Variants in GLIS3 observed in about 807,000 individuals in gnomAD.
The protein encoded by GLIS3 is GLIS family zinc finger 3.
Under a neutral mutation model 78.6 loss-of-function variants are expected in GLIS3, and 53 were observed. The observed-to-expected ratio is 0.67, with a 90% CI of 0.54 to 0.85. The LOEUF (loss-of-function observed/expected upper bound fraction) is 0.85. Ranked by LOEUF, GLIS3 falls within the 40% of genes least tolerant of loss-of-function variation. The probability of loss-of-function intolerance (pLI) is 0.00; values close to 1 mark genes in which losing one functional copy is unlikely to be tolerated. For synonymous variants in GLIS3, 684 were observed against 509.9 expected (o/e 1.34, Z -4.60); for missense variants, 1,703 against 1,231.1 (o/e 1.38, Z -5.74).
At chr9:3,892,685 TTACTC>T (rs1563819775) in intron 7 of GLIS3, among the ~76,000 whole-genome samples, 4 of 152,188 alleles carry the variant, frequency 2.6e-5, no homozygotes, top group Admixed American at 1.3e-4. Context: ...TTTTTTTTCT[TTACTC>T]TTCACAGGAA....
chr9:4,384,537 T>C, the GLIS3 span, among the ~76,000 whole-genome samples: 1 of 150,170 alleles, frequency 6.7e-6, no homozygotes, highest in Non-Finnish European at 1.5e-5. Flanking sequence ...CCTTACTTCT[T>C]TCCTTTATAT....
At chr9:4,274,140 T>G (rs1008780510) in intron 2 of GLIS3, among the ~76,000 whole-genome samples, 3 of 152,254 alleles carry the variant, frequency 2.0e-5, no homozygotes, top group East Asian at 1.9e-4. Flanking sequence ...AAGGTCACCA[T>G]AGTGGTAAAG....
At chr9:4,301,785 A>G (rs1817085431), upstream of GLIS3, among the ~76,000 whole-genome samples, 1 of 152,196 alleles carries the variant, frequency 6.6e-6, no homozygotes, top group Admixed American at 6.5e-5. Context: ...AAAAAAATAT[A>G]GTGCTACACC....
intron 4 of GLIS3, among the ~76,000 whole-genome samples, chr9:4,001,906 A>G (rs1821146054): frequency 6.6e-6 from 1 of 152,186 alleles, no homozygotes; most frequent in Admixed American, 6.6e-5. Context: ...TCCCATATAC[A>G]TCTTATTCTG....
At chr9:4,389,228 T>A in the GLIS3 span, among the ~76,000 whole-genome samples, 2 of 152,182 alleles carry the variant, frequency 1.3e-5, no homozygotes, top group African/African-American at 4.8e-5. Context: ...TGACAAAGGA[T>A]AGAGATGAGA....
chr9:4,176,021 C>G (rs527384532), intron 2 of GLIS3, among the ~76,000 whole-genome samples: 10 of 152,202 alleles, frequency 6.6e-5, no homozygotes, highest in Admixed American at 5.9e-4. Flanking sequence ...GAGCTCCAAC[C>G]CTGCACACAG....
intron 8 of GLIS3, among the ~76,000 whole-genome samples, chr9:3,872,035 C>A (rs182681032): frequency 6.0e-4 from 91 of 152,332 alleles, no homozygotes; most frequent in Non-Finnish European, 1.0e-3. Context: ...TACCCTAAAT[C>A]AGCTCTCTCA....
intron 2 of GLIS3, among the ~76,000 whole-genome samples, chr9:4,149,060 T>C (rs1564119301): frequency 6.6e-6 from 1 of 152,214 alleles, no homozygotes; most frequent in African/African-American, 2.4e-5. Flanking sequence ...AGAGTTTACC[T>C]AGCTATCAAC....
intron 6 of GLIS3, chr9:3,901,117 T>C (rs1823263294): frequency 6.5e-6 from 1 of 152,692 alleles, no homozygotes; most frequent in Admixed American, 6.5e-5. Flanking sequence ...CCGAAAAGAC[T>C]GCCCCAACTG....
intron 6 of GLIS3, 62 bp downstream of exon 6, chr9:3,932,298 G>A (rs532616498): frequency 1.4e-5 from 18 of 1,268,694 alleles, no homozygotes; most frequent in South Asian, 6.0e-5. Flanking sequence ...CAGAAGCTTC[G>A]TGTACTACAA....
At chr9:4,273,781 C>G (rs1826742277) in intron 2 of GLIS3, among the ~76,000 whole-genome samples, 1 of 152,098 alleles carries the variant, frequency 6.6e-6, no homozygotes, top group Non-Finnish European at 1.5e-5. Flanking sequence ...CTCTGATGCT[C>G]ACTCTCCTCC....
chr9:4,298,510 A>T (rs1175279849), intron 1 of GLIS3: 1 of 435,338 alleles, frequency 2.3e-6, no homozygotes, highest in East Asian at 8.1e-5. Context: ...GCTCGGGGCA[A>T]GGTGTGTGTC....
intron 10 of GLIS3, among the ~76,000 whole-genome samples, 173 bp downstream of exon 10, chr9:3,829,137 G>T (rs890056898): frequency 1.3e-5 from 2 of 152,064 alleles, no homozygotes; most frequent in Admixed American, 6.5e-5. Flanking sequence ...AAGAAGAGGG[G>T]CTGAAGGAGG....
At chr9:4,039,955 T>C (rs992051854) in intron 4 of GLIS3, among the ~76,000 whole-genome samples, 1 of 152,198 alleles carries the variant, frequency 6.6e-6, no homozygotes, top group African/African-American at 2.4e-5. Flanking sequence ...ATCACAAATG[T>C]GGAGGCCAAA....
intron 4 of GLIS3, among the ~76,000 whole-genome samples, chr9:3,961,509 A>T (rs1231009030): frequency 3.9e-5 from 6 of 152,224 alleles, no homozygotes; most frequent in Non-Finnish European, 8.8e-5. Flanking sequence ...AGTCAGAATA[A>T]CATTCGTTGA....
At chr9:4,364,838 C>G in the GLIS3 span, among the ~76,000 whole-genome samples, 6 of 133,598 alleles carry the variant, frequency 4.5e-5, no homozygotes, top group African/African-American at 1.7e-4. Flanking sequence ...AGCGGCTATT[C>G]ACAGGTGCAA....
chr9:4,428,398 G>T, the GLIS3 span, among the ~76,000 whole-genome samples: 1 of 145,766 alleles, frequency 6.9e-6, no homozygotes, highest in Admixed American at 7.1e-5. Context: ...AAAATTGCTT[G>T]AACCTGGGAG....
chr9:4,432,697 G>C, the GLIS3 span, among the ~76,000 whole-genome samples: 5 of 142,302 alleles, frequency 3.5e-5, no homozygotes, highest in African/African-American at 5.3e-5. Context: ...CTGGAGTGCA[G>C]TGGCACAATC....
At chr9:3,881,045 G>C (rs937629669) in intron 7 of GLIS3, among the ~76,000 whole-genome samples, 3 of 152,164 alleles carry the variant, frequency 2.0e-5, no homozygotes, top group African/African-American at 7.2e-5. Context: ...AAACTCACTA[G>C]AGTCACCTTA....
Sources: allele counts gnomAD v4.1 joint callset (sites outside exome capture counted in the v4.1 genomes callset), GRCh38; gene constraint gnomAD v4.1.1; transcripts MANE v1.5; gene names NCBI Gene and HGNC (gene_info 2026-07-23, HGNC 2026-07-21).